GALNT14: variants seen among roughly 807,000 people sequenced by gnomAD.
GALNT14 encodes the protein UDP-GalNAc:polypeptide N-acetylgalactosaminyltransferase 14.
Under a neutral mutation model 77.5 loss-of-function variants are expected in GALNT14, and 60 were observed. That is an observed-to-expected ratio of 0.77 (90% confidence interval 0.63 to 0.96). GALNT14 has a LOEUF of 0.96. GALNT14 is among the 40% of genes least tolerant of loss of function. GALNT14 has a pLI of 0.00. For missense variants in GALNT14, 710 were observed against 731.0 expected (o/e 0.97, Z 0.33); for synonymous variants, 280 against 281.7 (o/e 0.99, Z 0.06).
intron 1 of GALNT14, chr2:31,129,494 C>A: frequency 1.0e-6 from 1 of 985,462 alleles, no homozygotes; most frequent in Non-Finnish European, 1.2e-6. Flanking sequence ...CAGCTGGCAG[C>A]CATCAATTGG....
chr2:31,131,226 ACT>A (rs956315234), intron 1 of GALNT14, among the ~76,000 whole-genome samples: 35 of 151,786 alleles, frequency 2.3e-4, no homozygotes, highest in African/African-American at 7.8e-4. Flanking sequence ...AGAAGGTGGG[ACT>A]CTCTCTATCT....
chr2:31,067,480 C>T (rs1473599108), intron 1 of GALNT14, among the ~76,000 whole-genome samples: 1 of 152,004 alleles, frequency 6.6e-6, no homozygotes, highest in South Asian at 2.1e-4. Flanking sequence ...TCTTCTGAGC[C>T]GGTTTTGTGC....
rs545789020 is a variant in GALNT14 at position 31,109,114 on chromosome 2, A to G, written c.129+28844T>C. Among the ~76,000 whole-genome samples the G allele has an allele frequency of 2.0e-5, 3 of 152,310 alleles. No individual in the cohort carries two copies. In the South Asian group the frequency reaches 6.2e-4, roughly 32 times the overall value. On this transcript the variant is annotated intron_variant, in intron 1 of 14. Transcript: ENST00000349752. ...TTCCAACCCCTAACACCATAAAGGG[A>G]GGCCTTGTGCTTGGTGAATCAGCTG...
intron 3 of GALNT14, among the ~76,000 whole-genome samples, chr2:30,962,964 C>A (rs995560058): frequency 6.6e-6 from 1 of 152,306 alleles, no homozygotes; most frequent in East Asian, 1.9e-4. Flanking sequence ...TAGAAGTAAT[C>A]TTTCCTGCCT....
rs1553383844 is a variant in GALNT14, at chr2:31,138,393, T to TGCCACCGCGGCTGCCGCCGCC, written c.-308_-307insGGCGGCGGCAGCCGCGGTGGC. On this transcript the variant is annotated 5_prime_UTR_variant, in exon 1 of 15. Transcript: ENST00000349752. ...ATGTTCCCCACGCCGCCACCGCGGC[T>TGCCACCGCGGCTGCCGCCGCC]GCCGCCGCCGCCGCCGCCGCCTTGC... The TGCCACCGCGGCTGCCGCCGCC allele has an allele frequency of 3.0e-6, 1 of 337,754 alleles. No individual in the cohort carries two copies. The highest frequency in any genetic ancestry group is 5.4e-6 in the Non-Finnish European group (1 of 183,580). The allele number at this position is 337,754 out of a possible 1,614,324, so 20.9% of individuals were successfully genotyped here. A position where few individuals can be genotyped will look rare whatever the true frequency, so the allele number is the denominator to read the frequency against.
intron 1 of GALNT14, among the ~76,000 whole-genome samples, chr2:31,005,759 G>A (rs947700629): frequency 6.6e-6 from 1 of 152,196 alleles, no homozygotes; most frequent in Non-Finnish European, 1.5e-5. Context: ...CTGGGACTCA[G>A]CAGGTGTTTT....
the GALNT14 span, among the ~76,000 whole-genome samples, chr2:30,901,466 CAT>C: frequency 1.3e-5 from 2 of 151,668 alleles, no homozygotes; most frequent in African/African-American, 4.8e-5. Flanking sequence ...TATATGCCAA[CAT>C]GTGTACACAA....
intron 1 of GALNT14, among the ~76,000 whole-genome samples, chr2:31,103,793 T>C (rs1162083510): frequency 1.3e-5 from 2 of 152,154 alleles, no homozygotes; most frequent in African/African-American, 2.4e-5. Flanking sequence ...TCCTCTGTTC[T>C]TCTAATCCTC....
the GALNT14 span, among the ~76,000 whole-genome samples, chr2:30,895,103 T>C: frequency 1.3e-5 from 2 of 152,198 alleles, no homozygotes; most frequent in African/African-American, 4.8e-5. Context: ...GATAGAGAAA[T>C]AATCTTGACC....
chr2:30,991,897 C>G (rs959471268), intron 2 of GALNT14, among the ~76,000 whole-genome samples: 3 of 152,142 alleles, frequency 2.0e-5, no homozygotes, highest in Non-Finnish European at 4.4e-5. Context: ...GCTCATAAAC[C>G]CCAGTTTCCA....
chr2:31,055,834 A>T (rs1674175829), intron 1 of GALNT14, among the ~76,000 whole-genome samples: 1 of 152,244 alleles, frequency 6.6e-6, no homozygotes, highest in Non-Finnish European at 1.5e-5. Flanking sequence ...AGAGGACAGC[A>T]GCCACAGCTC....
chr2:30,996,050 C>T (rs7590934), intron 1 of GALNT14, among the ~76,000 whole-genome samples: 8,381 of 152,146 alleles, frequency 0.055, 730 homozygotes, highest in African/African-American at 0.19. Flanking sequence ...GTGAATTAGA[C>T]GGGGCCACCA....
chr2:30,930,538 A>G (rs572355911), intron 10 of GALNT14, among the ~76,000 whole-genome samples: 4 of 152,368 alleles, frequency 2.6e-5, no homozygotes, highest in African/African-American at 9.6e-5. Flanking sequence ...CGTACCAGAA[A>G]GAGCCCCAGA....
At chr2:30,929,771 T>C (rs557731434) in intron 10 of GALNT14, among the ~76,000 whole-genome samples, 85 of 152,370 alleles carry the variant, frequency 5.6e-4, no homozygotes, top group African/African-American at 2.0e-3. Flanking sequence ...TGGGGTTTTT[T>C]AAATTTGGAA....
chr2:31,017,248 T>C (rs1465527643), intron 1 of GALNT14, among the ~76,000 whole-genome samples: 1 of 152,204 alleles, frequency 6.6e-6, no homozygotes, highest in Non-Finnish European at 1.5e-5. Flanking sequence ...AGCCAGGATG[T>C]TCTTCCTGTA....
At chr2:31,102,245 A>T (rs989318767) in intron 1 of GALNT14, among the ~76,000 whole-genome samples, 2 of 151,998 alleles carry the variant, frequency 1.3e-5, no homozygotes, top group African/African-American at 4.8e-5. Context: ...CTTGACTTAG[A>T]TGATTAATTC....
rs192330708 is a variant in GALNT14 at position 31,092,498 on chromosome 2, C to T, written c.129+45460G>A. 4.6e-5 allele frequency among the ~76,000 whole-genome samples: 7 copies of T among 152,238 alleles called. No homozygotes were observed. In the East Asian group the frequency reaches 1.4e-3, roughly 29 times the overall value. ...GCAGAGGGATATAGACAAAACAGAT[C>T]ATATTCTGAAGAACAACCAGGAACA... On this transcript the variant is annotated intron_variant, in intron 1 of 14. Transcript: ENST00000349752.
At chr2:31,060,407 C>T (rs1674517310) in intron 1 of GALNT14, among the ~76,000 whole-genome samples, 1 of 152,198 alleles carries the variant, frequency 6.6e-6, no homozygotes, top group Admixed American at 6.5e-5. Context: ...ATGTCCCACT[C>T]CTGCCACAGG....
chr2:31,035,655 AC>A (rs1672695556), intron 1 of GALNT14, among the ~76,000 whole-genome samples: 1 of 139,124 alleles, frequency 7.2e-6, no homozygotes, highest in Admixed American at 7.5e-5. Context: ...ACACACACAC[AC>A]ACTATGGAAT....
Sources: gnomAD v4.1 joint callset for allele counts (sites outside exome capture counted in the v4.1 genomes callset) on GRCh38, gnomAD v4.1.1 for gene constraint, MANE v1.5 for transcripts, NCBI Gene and HGNC (gene_info 2026-07-23, HGNC 2026-07-21) for gene names.